ERG: variants seen among roughly 807,000 people sequenced by gnomAD.
ERG encodes the protein transcriptional regulator ERG.
ERG carries 9 observed loss-of-function variants against 55.3 expected under a neutral mutation model. The ratio of observed to expected loss-of-function variants is 0.16; its 90% CI spans 0.10 to 0.28. The LOEUF (loss-of-function observed/expected upper bound fraction) is 0.28, where lower values mean the gene tolerates loss of function less well. Ranked by LOEUF, ERG falls within the 10% of genes least tolerant of loss-of-function variation. The pLI is 1.00. For synonymous variants in ERG, 223 were observed against 237.3 expected (o/e 0.94, Z 0.55); for missense variants, 434 against 631.6 (o/e 0.69, Z 3.35).
intron 2 of ERG, among the ~76,000 whole-genome samples, chr21:38,558,709 G>T (rs529263344): frequency 2.0e-5 from 3 of 152,132 alleles, no homozygotes; most frequent in Admixed American, 6.5e-5. Flanking sequence ...TAGAAATAAA[G>T]AAATCTCCCC....
At chr21:38,483,719 C>T (rs1167037199) in intron 1 of ERG, among the ~76,000 whole-genome samples, 1 of 151,646 alleles carries the variant, frequency 6.6e-6, no homozygotes, top group Non-Finnish European at 1.5e-5. Context: ...AAAAAATAGC[C>T]GGGCATGGTG....
At chr21:38,582,728 T>C (rs2060037784) in intron 1 of ERG, among the ~76,000 whole-genome samples, 1 of 152,206 alleles carries the variant, frequency 6.6e-6, no homozygotes, top group Non-Finnish European at 1.5e-5. Flanking sequence ...ATGGACGATT[T>C]TGATACTGTA....
At chr21:38,538,525 G>C (rs2059728323) in intron 2 of ERG, among the ~76,000 whole-genome samples, 1 of 152,104 alleles carries the variant, frequency 6.6e-6, no homozygotes. Flanking sequence ...CTTTATGACT[G>C]AGCTGCACTG....
rs192313069 is a variant in ERG, at chr21:38,507,043, G to A, written c.-41+68619C>T. The stretch of plus-strand genomic sequence containing the variant: ...GGACCCTGTAACAGTCGTACATTCC[G>A]GTCCCAGCTTCGCTGGGGTGCAACT... On this transcript the variant is annotated intron_variant, in intron 2 of 8. Coordinates refer to the ERG transcript ENST00000398897. Among the ~76,000 whole-genome samples the A allele has an allele frequency of 3.3e-5, 5 of 151,964 alleles. No homozygotes were observed. The East Asian group carries it at 7.7e-4, about 24-fold the overall frequency.
chr21:38,391,767 A>G, intron 7 of ERG, 52 bp from the exon 8 acceptor site: 1 of 1,403,428 alleles, frequency 7.1e-7, no homozygotes. Context: ...TTTGGTCACT[A>G]GTCTTTGATG....
At chr21:38,387,082 A>C (rs897054868) in intron 9 of ERG, among the ~76,000 whole-genome samples, 2 of 152,190 alleles carry the variant, frequency 1.3e-5, no homozygotes, top group African/African-American at 4.8e-5. Context: ...GGGGGAAAAA[A>C]AAACTAAACG....
At chr21:38,511,810 G>A (rs2059513987) in intron 2 of ERG, among the ~76,000 whole-genome samples, 2 of 152,162 alleles carry the variant, frequency 1.3e-5, no homozygotes, top group Non-Finnish European at 1.5e-5. Context: ...GCTGCCCTGT[G>A]CATGGCAGGA....
chr21:38,478,594 A>C (rs1345515057), intron 1 of ERG, among the ~76,000 whole-genome samples: 1 of 152,182 alleles, frequency 6.6e-6, no homozygotes, highest in Non-Finnish European at 1.5e-5. Flanking sequence ...TCCTAATGTA[A>C]ATCTTCTTTC....
intron 2 of ERG, among the ~76,000 whole-genome samples, chr21:38,444,263 T>A (rs1286999177): frequency 1.3e-5 from 2 of 152,222 alleles, no homozygotes; most frequent in Admixed American, 1.3e-4. Context: ...CTGGTTTAAA[T>A]CCAAACTCTG....
intron 1 of ERG, among the ~76,000 whole-genome samples, chr21:38,483,664 C>T (rs756108133): frequency 2.6e-5 from 4 of 151,690 alleles, no homozygotes; most frequent in Admixed American, 6.6e-5. Flanking sequence ...CTGGCTAACA[C>T]GGTGAAACCC....
chr21:38,609,910 G>A (rs554126111), intron 1 of ERG, among the ~76,000 whole-genome samples: 42 of 152,324 alleles, frequency 2.8e-4, no homozygotes, highest in African/African-American at 9.9e-4. Context: ...GTTGAATTTG[G>A]TCAAAGGCGT....
At position 38,442,417 on chromosome 21, in the gene ERG, G is replaced by A. The variant is rs962349535; in HGVS notation, c.236+2987C>T. 1.3e-5 allele frequency among the ~76,000 whole-genome samples: 2 copies of A among 152,080 alleles called. 1 individual carries two copies. Among genetic ancestry groups the A allele is most frequent in the South Asian group, 4.1e-4 (2 of 4,824 alleles). Reference sequence around the variant, plus strand: ...ATCTAAAAGAAAAATAAAAAAGAAAGAAAATGTCCAGTTCCCCTGAAAAAG... The same window carrying A: ...ATCTAAAAGAAAAATAAAAAAGAAAAAAAATGTCCAGTTCCCCTGAAAAAG... On this transcript the variant is annotated intron_variant, in intron 2 of 9. Coordinates refer to ENST00000288319, the MANE Select transcript of ERG (RefSeq NM_182918.4).
At chr21:38,590,734 T>A (rs1405477219) in intron 1 of ERG, among the ~76,000 whole-genome samples, 1 of 152,196 alleles carries the variant, frequency 6.6e-6, no homozygotes, top group Non-Finnish European at 1.5e-5. Flanking sequence ...CGCACTGAGT[T>A]CCCTCCATGT....
intron 1 of ERG, among the ~76,000 whole-genome samples, chr21:38,492,388 AACGTT>A (rs2059344032): frequency 6.6e-6 from 1 of 152,270 alleles, no homozygotes; most frequent in Non-Finnish European, 1.5e-5. Flanking sequence ...AATTTTAATT[AACGTT>A]ATTTTACTAG....
At chr21:38,512,004 T>G (rs1303870658) in intron 2 of ERG, among the ~76,000 whole-genome samples, 1 of 152,214 alleles carries the variant, frequency 6.6e-6, no homozygotes, top group Non-Finnish European at 1.5e-5. Context: ...AATATAATTG[T>G]GTGTGTGCAC....
intron 2 of ERG, among the ~76,000 whole-genome samples, chr21:38,442,420 A>G (rs1344069995): frequency 6.6e-6 from 1 of 152,144 alleles, no homozygotes; most frequent in East Asian, 1.9e-4. Flanking sequence ...AAAGAAAGAA[A>G]ATGTCCAGTT....
chr21:38,442,974 A>AT (rs1454825722), intron 2 of ERG, among the ~76,000 whole-genome samples: 1 of 151,812 alleles, frequency 6.6e-6, no homozygotes, highest in Non-Finnish European at 1.5e-5. Context: ...CGCCCGGCTA[A>AT]TTTTTTGTAT....
At chr21:38,620,130 G>C (rs1490255308) in intron 1 of ERG, among the ~76,000 whole-genome samples, 1 of 152,222 alleles carries the variant, frequency 6.6e-6, no homozygotes, top group Non-Finnish European at 1.5e-5. Flanking sequence ...GTTAGATACA[G>C]AGAGTCCATA....
intron 2 of ERG, among the ~76,000 whole-genome samples, chr21:38,518,943 A>C (rs537062629): frequency 6.6e-6 from 1 of 152,196 alleles, no homozygotes; most frequent in Non-Finnish European, 1.5e-5. Flanking sequence ...AATCAATAAG[A>C]ATACACACAA....
Sources: allele counts gnomAD v4.1 joint callset (sites outside exome capture counted in the v4.1 genomes callset), GRCh38; gene constraint gnomAD v4.1.1; transcripts MANE v1.5; gene names NCBI Gene and HGNC (gene_info 2026-07-23, HGNC 2026-07-21).